The following FSHR variants were observed in gnomAD, a reference collection of about 807,000 sequenced individuals.
FSHR encodes follicle-stimulating hormone receptor.
Under a neutral mutation model 52.1 loss-of-function variants are expected in FSHR, and 46 were observed. The ratio of observed to expected loss-of-function variants is 0.88; its 90% confidence interval spans 0.70 to 1.13. FSHR has a LOEUF of 1.13. Ranked by LOEUF, FSHR falls within the 50% of genes most tolerant of loss-of-function variation. The pLI, the probability that FSHR is intolerant of heterozygous loss-of-function variation, is 0.00. For synonymous variants in FSHR, 399 were observed against 309.6 expected (o/e 1.29, Z -3.03); for missense variants, 964 against 834.6 (o/e 1.16, Z -1.91).
chr2:49,102,170 A>G (rs1353018787), intron 1 of FSHR, among the ~76,000 whole-genome samples: 1 of 152,082 alleles, frequency 6.6e-6, no homozygotes, highest in Non-Finnish European at 1.5e-5. Flanking sequence ...ACCTTTTTAT[A>G]TTTCTGGCTA....
intron 4 of FSHR, among the ~76,000 whole-genome samples, chr2:48,995,719 G>T (rs543932218): frequency 8.5e-5 from 13 of 152,096 alleles, no homozygotes; most frequent in Non-Finnish European, 1.9e-4. Flanking sequence ...ATTCACAGAA[G>T]TAATCAGACC....
At chr2:49,038,650 T>A (rs182915819) in intron 2 of FSHR, among the ~76,000 whole-genome samples, 38,121 of 117,914 alleles carry the variant, frequency 0.32, 8,218 homozygotes, top group Non-Finnish European at 0.36. Context: ...ATAATAATAA[T>A]AATAATAATA....
intron 2 of FSHR, among the ~76,000 whole-genome samples, chr2:49,020,557 G>A (rs187264148): frequency 6.7e-6 from 1 of 148,586 alleles, no homozygotes; most frequent in East Asian, 2.0e-4. Flanking sequence ...TTTTGCCCTT[G>A]CTGTGGTATT....
intron 1 of FSHR, among the ~76,000 whole-genome samples, chr2:49,130,867 T>G (rs2103810139): frequency 6.6e-6 from 1 of 152,242 alleles, no homozygotes; most frequent in South Asian, 2.1e-4. Context: ...GCTACTCAAC[T>G]TAGGTAAAAA....
In FSHR at chr2:49,022,128, A is replaced by C. The variant is rs184807867; in HGVS notation, c.225-1968T>G. ...TAGCTAACAGGAAGGGCTCAAATGC[A>C]AATAAGGCCATCTCCTCTAAAAGCT... On this transcript the variant is annotated intron_variant, in intron 2 of 9. Coordinates refer to ENST00000406846, the MANE Select transcript of FSHR (RefSeq NM_000145.4). Among the ~76,000 whole-genome samples the C allele has an allele frequency of 1.3e-3, 200 of 151,846 alleles. 2 individuals are homozygous for C. The highest frequency in any genetic ancestry group is 4.7e-3 in the African/African-American group (195 of 41,426).
chr2:49,127,831 T>C (rs1672092781), intron 1 of FSHR, among the ~76,000 whole-genome samples: 2 of 6,850 alleles, frequency 2.9e-4, no homozygotes, highest in African/African-American at 2.2e-3. Flanking sequence ...TTCTTCTTCC[T>C]CTTCTTCTTC....
intron 2 of FSHR, among the ~76,000 whole-genome samples, chr2:49,035,037 C>T (rs2104265925): frequency 6.6e-6 from 1 of 152,344 alleles, no homozygotes; most frequent in African/African-American, 2.4e-5. Flanking sequence ...GCTTCCTCTG[C>T]TTACACAGGT....
At chr2:49,056,751 G>A (rs940111643) in intron 2 of FSHR, among the ~76,000 whole-genome samples, 5 of 151,792 alleles carry the variant, frequency 3.3e-5, no homozygotes, top group African/African-American at 1.2e-4. Context: ...TGGCCATATT[G>A]TTTCTGTTAG....
At chr2:48,981,926 G>A (rs1675266882) in intron 8 of FSHR, among the ~76,000 whole-genome samples, 1 of 152,120 alleles carries the variant, frequency 6.6e-6, no homozygotes, top group African/African-American at 2.4e-5. Flanking sequence ...GGCTACATAA[G>A]GATCATTCAG....
chr2:49,037,558 G>T (rs1174262645), intron 2 of FSHR, among the ~76,000 whole-genome samples: 3 of 151,356 alleles, frequency 2.0e-5, no homozygotes, highest in Admixed American at 2.0e-4. Context: ...GAAAGATATA[G>T]AAATTATAAG....
At chr2:49,015,513 T>G (rs1282044168) in intron 4 of FSHR, among the ~76,000 whole-genome samples, 1 of 152,206 alleles carries the variant, frequency 6.6e-6, no homozygotes, top group African/African-American at 2.4e-5. Context: ...CATGTGCGTC[T>G]CTCAGAAGTC....
intron 2 of FSHR, among the ~76,000 whole-genome samples, chr2:49,066,372 G>T: frequency 6.6e-6 from 1 of 152,006 alleles, no homozygotes; most frequent in East Asian, 1.9e-4. Flanking sequence ...AAGTGAAGGA[G>T]ATAGGTCTGG....
At chr2:49,113,875 G>C (rs980320165) in intron 1 of FSHR, among the ~76,000 whole-genome samples, 1 of 152,238 alleles carries the variant, frequency 6.6e-6, no homozygotes, top group Non-Finnish European at 1.5e-5. Context: ...CTCCTTAAAT[G>C]TTTTCATGCC....
At chr2:49,015,465 AT>A (rs992146194) in intron 4 of FSHR, among the ~76,000 whole-genome samples, 3 of 152,150 alleles carry the variant, frequency 2.0e-5, no homozygotes, top group Non-Finnish European at 2.9e-5. Context: ...TTGACAAAAT[AT>A]TTTCATATCT....
intron 9 of FSHR, among the ~76,000 whole-genome samples, chr2:48,966,364 T>C (rs2268364): frequency 6.6e-6 from 1 of 152,232 alleles, no homozygotes; most frequent in African/African-American, 2.4e-5. Flanking sequence ...ATTTTTATTG[T>C]ATTTAACATT....
At chr2:48,987,176 T>C (rs986435933) in intron 6 of FSHR, among the ~76,000 whole-genome samples, 5 of 151,826 alleles carry the variant, frequency 3.3e-5, no homozygotes, top group Non-Finnish European at 5.9e-5. Context: ...CACAAGCTCT[T>C]TGTATTATTA....
At chr2:49,053,325 C>T (rs1000142254) in intron 2 of FSHR, among the ~76,000 whole-genome samples, 7 of 152,180 alleles carry the variant, frequency 4.6e-5, no homozygotes, top group African/African-American at 1.7e-4. Context: ...TTTCCCCCCA[C>T]CTCCAGTGTT....
rs1173391751 is a variant in FSHR at position 49,129,064 on chromosome 2, TTA to T, written c.152+25200_152+25201del. Among the ~76,000 whole-genome samples the T allele has an allele frequency of 2.0e-5, 3 of 151,138 alleles. No individual in the cohort carries two copies. The East Asian group carries it at 5.9e-4, about 30-fold the overall frequency. On this transcript the variant is annotated intron_variant, in intron 1 of 9. Coordinates refer to ENST00000406846, the MANE Select transcript of FSHR (RefSeq NM_000145.4). ...GTTTTCTTGTTTTTTTTTTTTTCAG[TTA>T]TATGTTTCAAATTCATTTAAAATTT...
intron 8 of FSHR, among the ~76,000 whole-genome samples, chr2:48,971,939 A>C (rs1284513352): frequency 2.6e-5 from 4 of 152,166 alleles, no homozygotes; most frequent in African/African-American, 9.7e-5. Flanking sequence ...TTCTTTTCTC[A>C]ATCTTCACTT....
Sources: allele counts gnomAD v4.1 joint callset (sites outside exome capture counted in the v4.1 genomes callset), GRCh38; gene constraint gnomAD v4.1.1; transcripts MANE v1.5; gene names NCBI Gene and HGNC (gene_info 2026-07-23, HGNC 2026-07-21).